ADGRB3: variants seen among roughly 807,000 people sequenced by gnomAD.
The protein encoded by ADGRB3 is brain-specific angiogenesis inhibitor 3.
A neutral mutation model predicts 193.4 loss-of-function variants in ADGRB3; 37 were observed. The ratio of observed to expected loss-of-function variants is 0.19; its 90% CI spans 0.15 to 0.25. The LOEUF (loss-of-function observed/expected upper bound fraction) is 0.25. ADGRB3 is among the 10% of genes least tolerant of loss of function. The probability of loss-of-function intolerance (pLI) is 1.00; values close to 1 mark genes in which losing one functional copy is unlikely to be tolerated. For missense variants in ADGRB3, 1,637 were observed against 1,852.9 expected, an observed-to-expected ratio of 0.88 and a Z score of 2.14; for synonymous variants, 690 against 644.2, an observed-to-expected ratio of 1.07 and a Z score of -1.08.
chr6:68,817,304 CATGTATATATATATATATATATATAT>C lies in ADGRB3; in HGVS notation c.758-113252_758-113227del, dbSNP rs1402490918. Among the ~76,000 whole-genome samples, 174 of 57,132 alleles carry C rather than the reference CATGTATATATATATATATATATATAT, an allele frequency of 3.0e-3. 3 individuals are homozygous for C. Among genetic ancestry groups the C allele is most frequent in the African/African-American group, 6.8e-3 (150 of 21,930 alleles). 37.5% of individuals were successfully genotyped at this position (57,132 alleles called of 152,430 possible). A position where few individuals can be genotyped will look rare whatever the true frequency, so the allele number is the denominator to read the frequency against. ...AAGGTATTTATTATTCCCTTTTGTC[CATGTATATATATATATATATATATAT>C]ATATATATATATATATATATATATA... is the stretch of plus-strand genomic sequence containing the variant. On this transcript the variant is annotated intron_variant, in intron 3 of 31. Coordinates refer to ENST00000370598, the MANE Select transcript of ADGRB3 (RefSeq NM_001704.3).
intron 3 of ADGRB3, among the ~76,000 whole-genome samples, chr6:68,716,391 T>C (rs920540385): frequency 1.3e-5 from 2 of 151,752 alleles, no homozygotes; most frequent in Non-Finnish European, 2.9e-5. Context: ...ATGTCCATGA[T>C]CAAGAAAGAA....
intron 20 of ADGRB3, among the ~76,000 whole-genome samples, chr6:69,264,090 A>C (rs755642994): frequency 4.6e-5 from 7 of 151,892 alleles, no homozygotes; most frequent in Admixed American, 2.0e-4. Flanking sequence ...GTCCTTATTC[A>C]CTCCTTATCC....
intron 17 of ADGRB3, among the ~76,000 whole-genome samples, chr6:69,154,442 T>A (rs1774773477): frequency 6.6e-6 from 1 of 152,188 alleles, no homozygotes; most frequent in African/African-American, 2.4e-5. Flanking sequence ...CTCTTTACCT[T>A]CTGTACCTCT....
chr6:68,718,273 C>A (rs77036802), intron 3 of ADGRB3, among the ~76,000 whole-genome samples: 2 of 151,618 alleles, frequency 1.3e-5, no homozygotes, highest in Non-Finnish European at 2.9e-5. Flanking sequence ...TTAAGCCCTA[C>A]GACAGATCTA....
At chr6:69,225,656 G>T (rs1343766035) in intron 17 of ADGRB3, among the ~76,000 whole-genome samples, 1 of 152,184 alleles carries the variant, frequency 6.6e-6, no homozygotes, top group African/African-American at 2.4e-5. Flanking sequence ...TACAGAAATT[G>T]AGATATCCAG....
chr6:69,101,761 C>A (rs1773062311), intron 17 of ADGRB3, among the ~76,000 whole-genome samples: 2 of 151,924 alleles, frequency 1.3e-5, no homozygotes, highest in African/African-American at 4.8e-5. Context: ...ATAGTATCAT[C>A]CCTGTTTTAC....
intron 16 of ADGRB3, among the ~76,000 whole-genome samples, chr6:69,064,902 C>T (rs2150308742): frequency 6.6e-6 from 1 of 152,126 alleles, no homozygotes; most frequent in South Asian, 2.1e-4. Context: ...CGTATTTAAG[C>T]TTTGAGTCTG....
At chr6:68,879,196 T>C (rs1765669276) in intron 3 of ADGRB3, among the ~76,000 whole-genome samples, 1 of 151,176 alleles carries the variant, frequency 6.6e-6, no homozygotes, top group African/African-American at 2.4e-5. Context: ...TTCTCTTTTC[T>C]GCTTTACTTT....
chr6:69,354,585 G>T (rs537793516), intron 27 of ADGRB3, among the ~76,000 whole-genome samples: 2 of 152,262 alleles, frequency 1.3e-5, no homozygotes, highest in Admixed American at 6.5e-5. Context: ...TCCTTGCGTA[G>T]AATTAGGGCT....
chr6:68,987,420 G>A (rs546991005), intron 10 of ADGRB3, among the ~76,000 whole-genome samples: 7 of 152,118 alleles, frequency 4.6e-5, no homozygotes, highest in South Asian at 4.2e-4. Context: ...TCAAGAGTCC[G>A]GTAAGTTGTT....
At position 69,249,361 on chromosome 6, in the gene ADGRB3, GA is replaced by G. The variant is rs200884600; in HGVS notation, c.2814+10141del. Among the ~76,000 whole-genome samples the G allele has an allele frequency of 3.0e-3, 449 of 152,166 alleles. 1 individual carries two copies. Among genetic ancestry groups the G allele is most frequent in the African/African-American group, 0.01 (422 of 41,526 alleles). On this transcript the variant is annotated intron_variant, in intron 20 of 31. Transcript: ENST00000370598. ...TTGGTTACCAGTGTATAAAACTATG[GA>G]AAAAACCATGAATCAAATCCCTCAC...
chr6:69,180,713 T>C (rs1298899172), intron 17 of ADGRB3, among the ~76,000 whole-genome samples: 2 of 152,264 alleles, frequency 1.3e-5, no homozygotes, highest in East Asian at 1.9e-4. Flanking sequence ...AGGCCTGCAA[T>C]GGGGAGAGCA....
At chr6:69,368,361 T>C (rs1053088003) in intron 29 of ADGRB3, among the ~76,000 whole-genome samples, 3 of 151,974 alleles carry the variant, frequency 2.0e-5, no homozygotes, top group Non-Finnish European at 2.9e-5. Flanking sequence ...AAAGTGGAGA[T>C]AGAAAACAGT....
intron 3 of ADGRB3, among the ~76,000 whole-genome samples, chr6:68,828,473 T>C (rs994209320): frequency 3.9e-5 from 6 of 152,190 alleles, no homozygotes; most frequent in Admixed American, 3.9e-4. Flanking sequence ...ATATTTATAA[T>C]ATTTACTCAC....
chr6:69,365,438 C>T (rs558289436), intron 29 of ADGRB3, among the ~76,000 whole-genome samples: 8 of 152,014 alleles, frequency 5.3e-5, no homozygotes, highest in Non-Finnish European at 1.2e-4. Flanking sequence ...ACCTCTTCTG[C>T]GAATCCCTGG....
intron 13 of ADGRB3, among the ~76,000 whole-genome samples, chr6:69,043,741 T>G (rs1057357881): frequency 2.0e-5 from 3 of 152,224 alleles, no homozygotes; most frequent in Admixed American, 2.0e-4. Flanking sequence ...ATTGTTCTCA[T>G]GTTACAGAAA....
chr6:68,639,091 C>T lies in ADGRB3; in HGVS notation c.416C>T (p.Pro139Leu). 1 of 1,613,900 alleles carries T rather than the reference C, an allele frequency of 6.2e-7. No homozygotes were observed. The highest frequency in any genetic ancestry group is 8.5e-7 in the Non-Finnish European group (1 of 1,179,974). ...QIRRVFPTNF[P>L]GLQKKGEEDQ... is the part of the protein sequence containing the mutation. ...CGTCGAGTATTTCCAACTAATTTCCCAGGATTACAGAAAAAAGGGGAAGAA... is the reference window on the plus strand; with the variant it reads ...CGTCGAGTATTTCCAACTAATTTCCTAGGATTACAGAAAAAAGGGGAAGAA... The change falls in exon 3 of 32, where the codon CCA (proline) becomes CTA (leucine). Residue 139 changes from proline (P) to leucine (L), a missense_variant. Physicochemically the swap from Pro to Leu is moderately conservative, Grantham distance 98. This residue lies in a region of ADGRB3 where 365 missense variants were observed against 409.8 expected (regional missense o/e 0.89). Coordinates refer to ENST00000370598, the MANE Select transcript of ADGRB3 (RefSeq NM_001704.3).
chr6:69,324,788 C>A, intron 20 of ADGRB3, 84 bp from the exon 21 acceptor site: 1 of 1,425,536 alleles, frequency 7.0e-7, no homozygotes, highest in South Asian at 1.3e-5. Flanking sequence ...AGCAATGAAT[C>A]AGAGATTAAC....
chr6:69,331,103 C>A (rs979510991), intron 23 of ADGRB3, among the ~76,000 whole-genome samples: 11 of 152,110 alleles, frequency 7.2e-5, no homozygotes, highest in African/African-American at 1.9e-4. Flanking sequence ...CTACTACATA[C>A]CAGTAGTACC....
Sources: gnomAD v4.1 joint callset for allele counts (sites outside exome capture counted in the v4.1 genomes callset) on GRCh38, gnomAD v4.1.1 for gene constraint, gnomAD v4.1.1 regional missense constraint, MANE v1.5 for transcripts, NCBI Gene and HGNC (gene_info 2026-07-23, HGNC 2026-07-21) for gene names.